Variants in SUCLG2 observed in about 807,000 individuals in gnomAD.
SUCLG2 encodes succinate-CoA ligase GDP-forming subunit beta.
A neutral mutation model predicts 47.9 loss-of-function variants in SUCLG2; 42 were observed. That is an observed-to-expected ratio of 0.88 (90% CI 0.69 to 1.14). The LOEUF (loss-of-function observed/expected upper bound fraction) is 1.14. SUCLG2 is among the 50% of genes most tolerant of loss of function. The pLI, the probability that SUCLG2 is intolerant of heterozygous loss-of-function variation, is 0.00. For synonymous variants in SUCLG2, 195 were observed against 197.3 expected, an observed-to-expected ratio of 0.99 and a Z score of 0.10; for missense variants, 571 against 525.9, an observed-to-expected ratio of 1.09 and a Z score of -0.84.
intron 2 of SUCLG2, among the ~76,000 whole-genome samples, chr3:67,603,685 G>A (rs1708470704): frequency 2.0e-5 from 3 of 152,062 alleles, no homozygotes. Flanking sequence ...CAACATGTGT[G>A]GAATAATTAA....
At chr3:67,564,721 C>T (rs1286566912) in intron 2 of SUCLG2, among the ~76,000 whole-genome samples, 3 of 152,150 alleles carry the variant, frequency 2.0e-5, no homozygotes, top group Admixed American at 1.3e-4. Context: ...CTTTTTAGTT[C>T]ATGAGCTATC....
At chr3:67,497,300 T>C (rs1705372776) in intron 8 of SUCLG2, among the ~76,000 whole-genome samples, 2 of 152,204 alleles carry the variant, frequency 1.3e-5, no homozygotes, top group African/African-American at 4.8e-5. Flanking sequence ...TTTATTTTAA[T>C]TCCATTAAGA....
chr3:67,368,309 T>C (rs1002333816), intron 10 of SUCLG2, among the ~76,000 whole-genome samples: 1 of 152,234 alleles, frequency 6.6e-6, no homozygotes, highest in Non-Finnish European at 1.5e-5. Context: ...CTTTAAAGTA[T>C]CAACTTGCTG....
intron 1 of SUCLG2, among the ~76,000 whole-genome samples, chr3:67,610,981 A>G (rs1240495105): frequency 1.3e-5 from 2 of 152,204 alleles, no homozygotes; most frequent in African/African-American, 4.8e-5. Context: ...AGAAGGTGAC[A>G]GTGCTTGACA....
chr3:67,494,787 T>G (rs1460495106), intron 9 of SUCLG2, among the ~76,000 whole-genome samples: 1 of 152,222 alleles, frequency 6.6e-6, no homozygotes, highest in Non-Finnish European at 1.5e-5. Flanking sequence ...CTAAACCATG[T>G]TATAGTCAAC....
intron 2 of SUCLG2, among the ~76,000 whole-genome samples, chr3:67,560,802 C>A (rs1017781401): frequency 6.6e-6 from 1 of 151,810 alleles, no homozygotes; most frequent in Non-Finnish European, 1.5e-5. Flanking sequence ...TCCCTGGAAC[C>A]ACAAACTCTC....
intron 2 of SUCLG2, among the ~76,000 whole-genome samples, chr3:67,530,533 C>T (rs761038598): frequency 6.6e-6 from 1 of 152,124 alleles, no homozygotes; most frequent in African/African-American, 2.4e-5. Flanking sequence ...AAGGTTCAAA[C>T]GGAAAGAGCT....
chr3:67,380,580 G>A (rs183115909), intron 10 of SUCLG2, among the ~76,000 whole-genome samples: 2 of 152,222 alleles, frequency 1.3e-5, no homozygotes, highest in Non-Finnish European at 2.9e-5. Flanking sequence ...AGCAGTTTTT[G>A]AAGGGATTCT....
chr3:67,451,924 A>C (rs1704066473), intron 9 of SUCLG2, among the ~76,000 whole-genome samples: 1 of 152,140 alleles, frequency 6.6e-6, no homozygotes, highest in African/African-American at 2.4e-5. Flanking sequence ...GAGTATTCTG[A>C]GGACCAGGAT....
At chr3:67,622,550 G>A (rs1007705294) in intron 1 of SUCLG2, among the ~76,000 whole-genome samples, 3 of 152,136 alleles carry the variant, frequency 2.0e-5, no homozygotes, top group Non-Finnish European at 4.4e-5. Flanking sequence ...ACAGATGACT[G>A]TGATATTAAT....
chr3:67,637,599 A>G (rs1475352086), intron 1 of SUCLG2, among the ~76,000 whole-genome samples: 1 of 152,214 alleles, frequency 6.6e-6, no homozygotes, highest in African/African-American at 2.4e-5. Flanking sequence ...ATATAAATAC[A>G]CTACTAAATT....
intron 9 of SUCLG2, among the ~76,000 whole-genome samples, chr3:67,460,971 T>C (rs1407170256): frequency 1.3e-5 from 2 of 152,086 alleles, no homozygotes; most frequent in African/African-American, 4.8e-5. Flanking sequence ...CCATAATTTG[T>C]CTAACGTCTC....
intron 9 of SUCLG2, among the ~76,000 whole-genome samples, chr3:67,419,556 C>G (rs181863099): frequency 6.6e-6 from 1 of 152,092 alleles, no homozygotes; most frequent in Non-Finnish European, 1.5e-5. Flanking sequence ...ACAATTTAAA[C>G]TCAAATCTTA....
chr3:67,400,685 C>T lies in SUCLG2; in HGVS notation c.1183+46G>A, dbSNP rs759551375. The T allele has an allele frequency of 5.6e-6, 9 of 1,600,868 alleles. No individual in the cohort carries two copies. In the South Asian group the frequency reaches 9.0e-5, roughly 16 times the overall value. On this transcript the variant is annotated intron_variant, in intron 10 of 10. Transcript: ENST00000307227. ...AATCCAGAACATGCTGGTCACCTGA[C>T]CTTGGAGAAGGGGTGCTGGCACAGC...
At chr3:67,382,885 C>G (rs1702188539) in intron 10 of SUCLG2, among the ~76,000 whole-genome samples, 2 of 152,156 alleles carry the variant, frequency 1.3e-5, no homozygotes, top group Non-Finnish European at 2.9e-5. Flanking sequence ...CAGCAAATTC[C>G]TCCTCAAATG....
chr3:67,416,929 A>G (rs1209615304), intron 9 of SUCLG2, among the ~76,000 whole-genome samples: 1 of 152,210 alleles, frequency 6.6e-6, no homozygotes, highest in Non-Finnish European at 1.5e-5. Flanking sequence ...GTACTTCGGC[A>G]TGGAGAAGGA....
At chr3:67,409,575 T>G (rs1005000047) in intron 9 of SUCLG2, among the ~76,000 whole-genome samples, 1 of 152,142 alleles carries the variant, frequency 6.6e-6, no homozygotes, top group African/African-American at 2.4e-5. Context: ...ATAATACATT[T>G]GTTTCCCTAA....
chr3:67,605,782 T>C (rs1700400933), intron 2 of SUCLG2, among the ~76,000 whole-genome samples: 2 of 152,288 alleles, frequency 1.3e-5, no homozygotes, highest in Middle Eastern at 3.4e-3. Flanking sequence ...ATCCAGTTTG[T>C]ATTTCTTGAG....
At position 67,393,187 on chromosome 3, in the gene SUCLG2, C is replaced by T. The variant is rs969464145; in HGVS notation, c.1183+7544G>A. Among the ~76,000 whole-genome samples the T allele has an allele frequency of 1.1e-4, 14 of 127,022 alleles. 1 individual carries two copies. The highest frequency in any genetic ancestry group is 2.6e-4 in the South Asian group (1 of 3,826). 83.3% of individuals were successfully genotyped at this position (127,022 alleles called of 152,430 possible). On this transcript the variant is annotated intron_variant, in intron 10 of 10. Coordinates refer to ENST00000307227, the MANE Select transcript of SUCLG2 (RefSeq NM_003848.4). ...AGTGGGCGCAGGACAGTGCGTGCAG[C>T]GCACCATGCACGAGCCAAAGCAGGG...
Sources: gnomAD v4.1 joint callset for allele counts (sites outside exome capture counted in the v4.1 genomes callset) on GRCh38, gnomAD v4.1.1 for gene constraint, MANE v1.5 for transcripts, NCBI Gene and HGNC (gene_info 2026-07-23, HGNC 2026-07-21) for gene names.